SHD: variants seen among roughly 807,000 people sequenced by gnomAD.
The protein encoded by SHD is Src homology 2 domain containing transforming protein D.
A neutral mutation model predicts 31.2 loss-of-function variants in SHD; 29 were observed. The ratio of observed to expected loss-of-function variants is 0.93; its 90% CI spans 0.69 to 1.27. SHD has a LOEUF of 1.27. Among genes scored for constraint, SHD ranks in the 50% most tolerant of loss-of-function variants. SHD has a pLI of 0.00. For synonymous variants in SHD, 208 were observed against 187.8 expected, an observed-to-expected ratio of 1.11 and a Z score of -0.88; for missense variants, 520 against 453.8, an observed-to-expected ratio of 1.15 and a Z score of -1.33.
At chr19:4,286,284 T>TCC (rs1568369475) in intron 4 of SHD, among the ~76,000 whole-genome samples, 3,834 of 102,204 alleles carry the variant, frequency 0.038, 202 homozygotes, top group African/African-American at 0.098. Flanking sequence ...TCTTTCTTTT[T>TCC]TTCTTTCCTT....
chr19:4,288,910 T>A (rs62129294), intron 5 of SHD, among the ~76,000 whole-genome samples: 66,514 of 151,416 alleles, frequency 0.44, 15,490 homozygotes, highest in African/African-American at 0.58. Flanking sequence ...CTGAGGAAGG[T>A]GGATCACTTG....
chr19:4,285,938 C>T (rs1971305356), intron 4 of SHD, among the ~76,000 whole-genome samples: 1 of 131,592 alleles, frequency 7.6e-6, no homozygotes, highest in Non-Finnish European at 1.5e-5. Flanking sequence ...GTCGCCCAGG[C>T]TGGAGTGCAA....
Position 4,279,706 on chromosome 19 carries a change from G to C in SHD, c.-358G>C, listed in dbSNP as rs1448530613. 4.7e-6 allele frequency: 1 copy of C among 211,960 alleles called. No individual in the cohort carries two copies. The highest frequency in any genetic ancestry group is 2.3e-5 in the African/African-American group (1 of 43,470). 13.1% of individuals were successfully genotyped at this position (211,960 alleles called of 1,614,324 possible). A position where few individuals can be genotyped will look rare whatever the true frequency, so the allele number is the denominator to read the frequency against. On this transcript the variant is annotated 5_prime_UTR_variant, in exon 1 of 6. Coordinates refer to ENST00000543264, the MANE Select transcript of SHD (RefSeq NM_020209.4). The surrounding 1 kb of genome is among the most constrained non-coding windows in gnomAD (Gnocchi z 7.5). ...GGCGGCGGGCGGCCGTGTCGCTCCA[G>C]GGAACCGCGCTGCCCGCGGAAACTC... is the stretch of plus-strand genomic sequence containing the variant.
chr19:4,280,248 A>G lies in SHD; in HGVS notation c.185A>G (p.Asp62Gly). 6.2e-7 allele frequency: 1 copy of G among 1,613,600 alleles called. No homozygotes were observed. The highest frequency in any genetic ancestry group is 8.5e-7 in the Non-Finnish European group (1 of 1,179,938). Residue 62 changes from aspartate to glycine, a missense_variant, in exon 1 of 6, where the codon GAC becomes GGC. Transcript: ENST00000543264. Reference sequence around the variant, plus strand: ...GAGCCGGACCCCGCGGGCCCTGGGGACTCCAAGAACCCCGGAGATGCCAAG... The same window carrying G: ...GAGCCGGACCCCGCGGGCCCTGGGGGCTCCAAGAACCCCGGAGATGCCAAG... ...RLEPDPAGPG[D>G]SKNPGDAKYG...
At chr19:4,281,324 C>T (rs773362221) in intron 1 of SHD, among the ~76,000 whole-genome samples, 1 of 151,804 alleles carries the variant, frequency 6.6e-6, no homozygotes, top group Non-Finnish European at 1.5e-5. Context: ...GTGGTGCACA[C>T]CATAGTCCCA....
intron 3 of SHD, 98 bp downstream of exon 3, chr19:4,283,340 T>C: frequency 8.0e-7 from 1 of 1,244,068 alleles, no homozygotes; most frequent in Non-Finnish European, 1.1e-6. Flanking sequence ...TAGAGTCCAA[T>C]TACTTGTCAC....
chr19:4,282,839 C>T (rs1568368376), intron 1 of SHD, 31 bp from the exon 2 acceptor site: 1 of 1,606,512 alleles, frequency 6.2e-7, no homozygotes, highest in Non-Finnish European at 8.5e-7. Context: ...CCCTCTGAGT[C>T]CTTGTCTTCT....
intron 4 of SHD, among the ~76,000 whole-genome samples, chr19:4,286,045 C>T (rs899368087): frequency 5.9e-5 from 9 of 151,292 alleles, no homozygotes; most frequent in African/African-American, 2.2e-4. Context: ...GCTCCTGGCA[C>T]CACACCAGGC....
At position 4,283,295 on chromosome 19, in the gene SHD, T is replaced by A. The variant is rs1971275963; in HGVS notation, c.592+53T>A. On this transcript the variant is annotated intron_variant, in intron 3 of 5. Transcript: ENST00000543264. ...CTGAATGCCCCATCCCTGCATTTCCTCATCTGGTCATGTCTCCTGTTTCAG... is the reference window on the plus strand; with the variant it reads ...CTGAATGCCCCATCCCTGCATTTCCACATCTGGTCATGTCTCCTGTTTCAG... 3 of 1,539,044 alleles carry A rather than the reference T, an allele frequency of 1.9e-6. No individual in the cohort carries two copies. In the East Asian group the frequency reaches 6.8e-5, roughly 35 times the overall value.
At chr19:4,284,309 A>G (rs1418167207) in intron 3 of SHD, 1 of 152,298 alleles carries the variant, frequency 6.6e-6, no homozygotes, top group Admixed American at 6.5e-5. Flanking sequence ...CTCTAAATAA[A>G]CAAATACATA....
intron 3 of SHD, 178 bp from the exon 4 acceptor site, chr19:4,284,603 A>G (rs945828065): frequency 6.6e-6 from 4 of 601,668 alleles, no homozygotes; most frequent in African/African-American, 5.7e-5. Flanking sequence ...ATTTCTTAGG[A>G]AGGCCAAAAG....
rs760735710 is a variant in SHD, at chr19:4,290,477, C to T, written c.867C>T (p.Phe289=). The T allele has an allele frequency of 3.8e-5, 61 of 1,612,786 alleles. 2 individuals are homozygous for T. Among genetic ancestry groups the T allele is most frequent in the South Asian group, 3.5e-4 (32 of 91,014 alleles). The change falls in exon 6 of 6, where the codon TTC becomes TTT. Residue 289 remains phenylalanine (F), a synonymous_variant. Transcript: ENST00000543264. ...GCCAGGGCTTCCTGCATCTGAAGTT[C>T]GCGCGGACCCGTGAGAACCAGGTGG... ...RSSQGFLHLK[F]ARTRENQVVL... is the part of the protein sequence containing the mutation.
rs114101263 is a variant in SHD, at chr19:4,283,250, T to G, written c.592+8T>G. On this transcript the variant is annotated splice_region_variant and intron_variant, in intron 3 of 5. Transcript: ENST00000543264. ...TCTCCAGGGCGTTTGCAGGTGCTTC[T>G]CAGACCCACACTCTGACATCTGAAT... 939 of 1,607,294 alleles carry G rather than the reference T, an allele frequency of 5.8e-4. 6 individuals are homozygous for G. In the African/African-American group the frequency reaches 0.011, roughly 19 times the overall value.
chr19:4,290,459 C>A lies in SHD; in HGVS notation c.849C>A (p.Gly283=), dbSNP rs1180533950. The A allele has an allele frequency of 6.2e-7, 1 of 1,611,636 alleles. No homozygotes were observed. The highest frequency in any genetic ancestry group is 8.5e-7 in the Non-Finnish European group (1 of 1,178,948). The part of the protein sequence containing the change: ...DCSLSLRSSQ[G]FLHLKFARTR... ...CCTCATCGCCCAGGAGCAGCCAGGG[C>A]TTCCTGCATCTGAAGTTCGCGCGGA... is the stretch of plus-strand genomic sequence containing the variant. Residue 283 remains glycine, a synonymous_variant, in exon 6 of 6, where the codon GGC becomes GGA. Coordinates refer to ENST00000543264, the MANE Select transcript of SHD (RefSeq NM_020209.4).
At chr19:4,283,825 G>A (rs1053931016) in intron 3 of SHD, among the ~76,000 whole-genome samples, 7 of 150,832 alleles carry the variant, frequency 4.6e-5, no homozygotes, top group Admixed American at 1.3e-4. Flanking sequence ...TGATCCACCC[G>A]CCTCGGCCTC....
intron 4 of SHD, among the ~76,000 whole-genome samples, chr19:4,286,226 CT>C (rs34055445): frequency 1.7e-5 from 2 of 114,942 alleles, no homozygotes; most frequent in African/African-American, 4.8e-5. Context: ...TTCTTTCTTT[CT>C]TTCTTTTCTT....
At chr19:4,281,839 G>T (rs2144714189) in intron 1 of SHD, among the ~76,000 whole-genome samples, 1 of 152,262 alleles carries the variant, frequency 6.6e-6, no homozygotes, top group Non-Finnish European at 1.5e-5. Context: ...GATCAGACTC[G>T]GCCTCTTACT....
intron 4 of SHD, among the ~76,000 whole-genome samples, chr19:4,287,264 G>A (rs1283766483): frequency 1.3e-5 from 2 of 151,730 alleles, no homozygotes; most frequent in Non-Finnish European, 2.9e-5. Flanking sequence ...CCGGGGAGGC[G>A]GAGCTTACAG....
Position 4,284,955 on chromosome 19 carries a change from C to T in SHD, c.716+51C>T, listed in dbSNP as rs751546197. The T allele has an allele frequency of 9.6e-6, 14 of 1,459,328 alleles. No individual in the cohort carries two copies. In the Admixed American group the frequency reaches 2.0e-4, roughly 21 times the overall value. The allele number at this position is 1,459,328 out of a possible 1,614,324, so 90.4% of individuals were successfully genotyped here. On this transcript the variant is annotated intron_variant, in intron 4 of 5. Transcript: ENST00000543264. ...GAGCCCCGTTGAACGTATCTGTAGA[C>T]TCCAATGTATCAGGCAGAAGTTTTT... is the stretch of plus-strand genomic sequence containing the variant.
Sources: gnomAD v4.1 joint callset for allele counts (sites outside exome capture counted in the v4.1 genomes callset) on GRCh38, gnomAD v4.1.1 for gene constraint, Gnocchi (gnomAD v3.1) non-coding constraint, MANE v1.5 for transcripts, NCBI Gene and HGNC (gene_info 2026-07-23, HGNC 2026-07-21) for gene names.